Variants in NIBAN1 observed in about 807,000 individuals in gnomAD.
NIBAN1 encodes the protein niban apoptosis regulator 1, also known as protein Niban 1.
Under a neutral mutation model 75.1 loss-of-function variants are expected in NIBAN1, and 81 were observed. The ratio of observed to expected loss-of-function variants is 1.08; its 90% CI spans 0.90 to 1.30. The LOEUF (loss-of-function observed/expected upper bound fraction) is 1.30, where lower values mean the gene tolerates loss of function less well. Ranked by LOEUF, NIBAN1 falls within the 50% of genes most tolerant of loss-of-function variation. The pLI, the probability that NIBAN1 is intolerant of heterozygous loss-of-function variation, is 0.00. For synonymous variants in NIBAN1, 436 were observed against 424.8 expected (o/e 1.03, Z -0.32); for missense variants, 1,133 against 1,128.1 (o/e 1.00, Z -0.06).
At chr1:184,905,207 C>G (rs1240258648) in intron 1 of NIBAN1, among the ~76,000 whole-genome samples, 1 of 152,180 alleles carries the variant, frequency 6.6e-6, no homozygotes, top group East Asian at 1.9e-4. Context: ...AGCTGACCAC[C>G]TTGGTCCCAC....
At position 184,894,217 on chromosome 1, in the gene NIBAN1, AT is replaced by A. The variant is rs1468398425; in HGVS notation, c.187-12del. The A allele has an allele frequency of 4.4e-6, 7 of 1,591,258 alleles. No individual in the cohort carries two copies. The highest frequency in any genetic ancestry group is 5.1e-6 in the Non-Finnish European group (6 of 1,172,360). On this transcript the variant is annotated splice_polypyrimidine_tract_variant and intron_variant, in intron 2 of 13. Coordinates refer to ENST00000367511, the MANE Select transcript of NIBAN1 (RefSeq NM_052966.4). ...AGGCGCCAATGGTGGCTTAAAGAAGATGAATACAATTAACTATCACAACAAA... is the reference window on the plus strand; with the variant it reads ...AGGCGCCAATGGTGGCTTAAAGAAGAGAATACAATTAACTATCACAACAAA...
At chr1:184,903,266 T>C (rs1480458259) in intron 1 of NIBAN1, among the ~76,000 whole-genome samples, 1 of 152,246 alleles carries the variant, frequency 6.6e-6, no homozygotes, top group Non-Finnish European at 1.5e-5. Context: ...CTAATCCTAC[T>C]TGTTTATTAC....
chr1:184,968,266 C>T (rs1218664642), intron 1 of NIBAN1, among the ~76,000 whole-genome samples: 1 of 151,114 alleles, frequency 6.6e-6, no homozygotes, highest in African/African-American at 2.4e-5. Flanking sequence ...GGCTTTGCAA[C>T]ATGAGATTTG....
intron 1 of NIBAN1, among the ~76,000 whole-genome samples, chr1:184,961,777 A>C (rs1385417238): frequency 6.6e-6 from 1 of 152,242 alleles, no homozygotes; most frequent in Non-Finnish European, 1.5e-5. Context: ...GATGTAAGGG[A>C]AAGTCTGCTA....
intron 1 of NIBAN1, among the ~76,000 whole-genome samples, chr1:184,914,647 G>T (rs537702825): frequency 4.6e-5 from 7 of 151,942 alleles, no homozygotes; most frequent in African/African-American, 1.7e-4. Flanking sequence ...TAGTAACATG[G>T]TTACTGTAGT....
intron 1 of NIBAN1, among the ~76,000 whole-genome samples, chr1:184,918,517 G>A (rs1657450347): frequency 6.6e-6 from 1 of 152,126 alleles, no homozygotes; most frequent in Non-Finnish European, 1.5e-5. Context: ...GCTATGGCAC[G>A]TTCCCCACAG....
In NIBAN1 at chr1:184,795,481, G is replaced by C. The variant is rs747178668; in HGVS notation, c.2283C>G (p.Asp761Glu). The C allele has an allele frequency of 1.2e-6, 2 of 1,612,808 alleles. No homozygotes were observed. Among genetic ancestry groups the C allele is most frequent in the Non-Finnish European group, 1.7e-6 (2 of 1,179,530 alleles). Reference protein sequence around the residue: ...EPSQAAAIHPDNCEESEVSER... With the variant: ...EPSQAAAIHPENCEESEVSER... The stretch of plus-strand genomic sequence containing the variant: ...CGCTGACTTCACTTTCTTCACAGTT[G>C]TCGGGGTGGATGGCAGCTGCCTGAC... Residue 761 changes from aspartate (D) to glutamate (E), a missense_variant, in exon 14 of 14, where the codon GAC (aspartate) becomes GAG (glutamate). Physicochemically the swap from Asp to Glu is conservative, Grantham distance 45. Transcript: ENST00000367511.
chr1:184,832,776 T>G (rs1366269403), intron 5 of NIBAN1, among the ~76,000 whole-genome samples: 1 of 152,144 alleles, frequency 6.6e-6, no homozygotes, highest in African/African-American at 2.4e-5. Flanking sequence ...GGAATGAATA[T>G]CTAATGGTGG....
At chr1:184,940,629 T>A (rs1429297347) in intron 1 of NIBAN1, among the ~76,000 whole-genome samples, 1 of 152,256 alleles carries the variant, frequency 6.6e-6, no homozygotes, top group Non-Finnish European at 1.5e-5. Flanking sequence ...AGAACTAGTG[T>A]TGTCTTAAAA....
intron 1 of NIBAN1, among the ~76,000 whole-genome samples, chr1:184,948,565 C>T (rs1039880973): frequency 6.6e-6 from 1 of 152,202 alleles, no homozygotes; most frequent in Non-Finnish European, 1.5e-5. Flanking sequence ...AATATTTATG[C>T]ATTAGGATGT....
In NIBAN1 at chr1:184,808,191, C is replaced by T; in HGVS notation, c.1218G>A (p.Met406Ile). ...GGTTGACTTTAGTATAACAAGGTTC[C>T]ATCTTCACGGAATGCAGCGGAAGAT... ...LMNLPLHSVK[M>I]EPCYTKVNLL... Residue 406 changes from methionine (M) to isoleucine (I), a missense_variant, in exon 10 of 14, where the codon ATG becomes ATA. Coordinates refer to ENST00000367511, the MANE Select transcript of NIBAN1 (RefSeq NM_052966.4). 1.2e-6 allele frequency: 2 copies of T among 1,614,120 alleles called. No homozygotes were observed. Among genetic ancestry groups the T allele is most frequent in the Non-Finnish European group, 1.7e-6 (2 of 1,180,014 alleles).
chr1:184,938,734 T>G (rs1658020694), intron 1 of NIBAN1, among the ~76,000 whole-genome samples: 1 of 152,232 alleles, frequency 6.6e-6, no homozygotes, highest in East Asian at 1.9e-4. Context: ...AATAAGAAAT[T>G]ACATAGTGCT....
intron 9 of NIBAN1, among the ~76,000 whole-genome samples, chr1:184,816,588 T>G (rs2102212289): frequency 6.6e-6 from 1 of 152,318 alleles, no homozygotes; most frequent in South Asian, 2.1e-4. Flanking sequence ...ATAGAGCCAC[T>G]TATGCTAAAT....
chr1:184,923,410 T>C (rs1363934036), intron 1 of NIBAN1, among the ~76,000 whole-genome samples: 2 of 152,212 alleles, frequency 1.3e-5, no homozygotes, highest in Admixed American at 6.5e-5. Flanking sequence ...TCTATTCTGT[T>C]CCATTGGTGT....
chr1:184,872,421 G>C (rs570145455), intron 5 of NIBAN1, among the ~76,000 whole-genome samples: 1 of 152,176 alleles, frequency 6.6e-6, no homozygotes, highest in South Asian at 2.1e-4. Flanking sequence ...AAGTTAACAA[G>C]TAGGCTGGGC....
intron 5 of NIBAN1, among the ~76,000 whole-genome samples, chr1:184,833,919 T>A (rs1655066366): frequency 6.6e-6 from 1 of 151,998 alleles, no homozygotes; most frequent in Non-Finnish European, 1.5e-5. Flanking sequence ...GCAGGTTTGT[T>A]ACATAGGTAT....
At chr1:184,935,276 G>A (rs1657926640) in intron 1 of NIBAN1, among the ~76,000 whole-genome samples, 1 of 152,110 alleles carries the variant, frequency 6.6e-6, no homozygotes, top group Non-Finnish European at 1.5e-5. Flanking sequence ...AGGCTGAGGT[G>A]GGAGAATCAC....
chr1:184,879,816 C>T (rs144868669), intron 5 of NIBAN1, among the ~76,000 whole-genome samples: 1 of 152,290 alleles, frequency 6.6e-6, no homozygotes, highest in East Asian at 1.9e-4. Flanking sequence ...TGTTATAGCT[C>T]CACATTCCAC....
chr1:184,809,791 T>A (rs1343458771), intron 9 of NIBAN1, among the ~76,000 whole-genome samples: 1 of 152,026 alleles, frequency 6.6e-6, no homozygotes, highest in Non-Finnish European at 1.5e-5. Context: ...ACATGAAACA[T>A]CATGCAGCCA....
Sources: gnomAD v4.1 joint callset for allele counts (sites outside exome capture counted in the v4.1 genomes callset) on GRCh38, gnomAD v4.1.1 for gene constraint, MANE v1.5 for transcripts, NCBI Gene and HGNC (gene_info 2026-07-23, HGNC 2026-07-21) for gene names.